Variants in ZNF536 observed in about 807,000 individuals in gnomAD.
ZNF536 encodes zinc finger protein 536.
Under a neutral mutation model 84.5 loss-of-function variants are expected in ZNF536, and 13 were observed. The ratio of observed to expected loss-of-function variants is 0.15; its 90% CI spans 0.10 to 0.24. ZNF536 has a LOEUF of 0.24. ZNF536 is among the 10% of genes least tolerant of loss of function. The pLI, the probability that ZNF536 is intolerant of heterozygous loss-of-function variation, is 1.00. For synonymous variants in ZNF536, 811 were observed against 742.5 expected, an observed-to-expected ratio of 1.09 and a Z score of -1.50; for missense variants, 1,536 against 1,747.5, an observed-to-expected ratio of 0.88 and a Z score of 2.16.
At chr19:30,226,618 G>A (rs1312644719), upstream of ZNF536, among the ~76,000 whole-genome samples, 1 of 152,092 alleles carries the variant, frequency 6.6e-6, no homozygotes, top group Non-Finnish European at 1.5e-5. This position sits in a 1 kb window ranked among gnomAD's most constrained non-coding sequence, Gnocchi z 4.6. Flanking sequence ...GGCGGCGCCC[G>A]CAGCACCTGC....
Position 30,463,833 on chromosome 19 carries a change from C to T in ZNF536, c.2170+18101C>T, listed in dbSNP as rs188701455. 1.4e-4 allele frequency among the ~76,000 whole-genome samples: 22 copies of T among 152,180 alleles called. No homozygotes were observed. The East Asian group carries it at 4.3e-3, about 29-fold the overall frequency. Reference sequence around the variant, plus strand: ...GAGCGTGGGGGTTTGAGATGGGGTGCAGGCATGGTGGTGTGGCTCGGGGAT... The same window carrying T: ...GAGCGTGGGGGTTTGAGATGGGGTGTAGGCATGGTGGTGTGGCTCGGGGAT... On this transcript the variant is annotated intron_variant, in intron 2 of 4. Coordinates refer to ENST00000355537, the MANE Select transcript of ZNF536 (RefSeq NM_014717.3).
intron 2 of ZNF536, among the ~76,000 whole-genome samples, chr19:30,502,963 A>G (rs2055010115): frequency 6.6e-6 from 1 of 152,218 alleles, no homozygotes. Flanking sequence ...TATTTTTATA[A>G]TTATGGGGAA....
chr19:30,710,602 T>G (rs1301767857), intron 1 of ZNF536, among the ~76,000 whole-genome samples: 1 of 152,204 alleles, frequency 6.6e-6, no homozygotes, highest in African/African-American at 2.4e-5. Context: ...CTTATGTGCC[T>G]GATGTATCGG....
intron 1 of ZNF536, among the ~76,000 whole-genome samples, chr19:30,438,621 G>A (rs2051864642): frequency 6.6e-6 from 1 of 152,196 alleles, no homozygotes; most frequent in African/African-American, 2.4e-5. Flanking sequence ...TGGGAAAAGG[G>A]ATAATAAGAC....
At chr19:30,571,406 A>G (rs1248602784) in intron 1 of ZNF536, among the ~76,000 whole-genome samples, 2 of 152,216 alleles carry the variant, frequency 1.3e-5, no homozygotes, top group Non-Finnish European at 2.9e-5. Context: ...TGTCTGACAC[A>G]CAGGCTAAGT....
chr19:30,506,912 A>G (rs1026569071), intron 2 of ZNF536, among the ~76,000 whole-genome samples: 2 of 152,220 alleles, frequency 1.3e-5, no homozygotes, highest in African/African-American at 2.4e-5. Context: ...ATCATTCTTA[A>G]CATTTTGCTT....
At position 30,335,763 on chromosome 19, in the gene ZNF536, T is replaced by C. The variant is rs868059919; in HGVS notation, c.-119-16605T>C. On this transcript the variant is annotated intron_variant, in intron 2 of 5. Transcript: ENST00000585628. ...CCTCGCCAGGGCTGCCCTCAGATCCTAGCCTTGAAACTATTTCTACTTGTT... is the reference window on the plus strand; with the variant it reads ...CCTCGCCAGGGCTGCCCTCAGATCCCAGCCTTGAAACTATTTCTACTTGTT... Among the ~76,000 whole-genome samples the C allele has an allele frequency of 9.2e-5, 14 of 152,186 alleles. 1 individual carries two copies. In the Middle Eastern group the frequency reaches 9.5e-3, roughly 103 times the overall value.
In ZNF536 at chr19:30,548,440, C is replaced by G. The variant is rs2146201500; in HGVS notation, c.2821C>G (p.Leu941Val). 6.2e-7 allele frequency: 1 copy of G among 1,614,184 alleles called. No homozygotes were observed. Among genetic ancestry groups the G allele is most frequent in the Non-Finnish European group, 8.5e-7 (1 of 1,180,038 alleles). The change falls in exon 4 of 5, where the codon CTG (leucine) becomes GTG (valine). Residue 941 changes from leucine (L) to valine (V), a missense_variant. By Grantham distance (32) the Leu-to-Val change is conservative. Around this residue, in one of 8 missense-constraint regions of ZNF536, gnomAD observed 624 missense variants for 603.1 expected, o/e 1.03. Transcript: ENST00000355537. ...KKEKDMKDKA[L>V]ADPPSMKVHG... ...GGAGAAGGACATGAAGGACAAAGCC[C>G]TGGCTGACCCCCCTTCCATGAAAGT...
At chr19:30,597,217 C>G (rs2047498764) in intron 1 of ZNF536, among the ~76,000 whole-genome samples, 1 of 152,242 alleles carries the variant, frequency 6.6e-6, no homozygotes, top group Non-Finnish European at 1.5e-5. Context: ...AGGACCCTGA[C>G]TGAGTCGCTG....
chr19:30,410,682 G>T (rs1214099459), intron 1 of ZNF536, among the ~76,000 whole-genome samples: 1 of 151,954 alleles, frequency 6.6e-6, no homozygotes, highest in Non-Finnish European at 1.5e-5. Flanking sequence ...GTTTCACCGT[G>T]TTAGCCAGGA....
intron 1 of ZNF536, among the ~76,000 whole-genome samples, chr19:30,580,531 T>C (rs2046884968): frequency 6.6e-6 from 1 of 152,036 alleles, no homozygotes; most frequent in Non-Finnish European, 1.5e-5. Context: ...CCTGTGTGTT[T>C]CTGCGGGCAT....
chr19:30,580,060 C>T (rs560225959), intron 1 of ZNF536, among the ~76,000 whole-genome samples: 1 of 152,354 alleles, frequency 6.6e-6, no homozygotes, highest in Non-Finnish European at 1.5e-5. Context: ...TGGCCTCCCT[C>T]TCCCTGTCAC....
At chr19:30,427,759 A>C (rs1045301488) in intron 1 of ZNF536, among the ~76,000 whole-genome samples, 2 of 152,164 alleles carry the variant, frequency 1.3e-5, no homozygotes, top group Non-Finnish European at 2.9e-5. Context: ...TTCAAGCATC[A>C]TGTGTAATGT....
intron 2 of ZNF536, among the ~76,000 whole-genome samples, chr19:30,285,226 TTAC>T (rs2045585943): frequency 1.3e-5 from 2 of 152,224 alleles, no homozygotes. Flanking sequence ...AAAGACAGGA[TTAC>T]TATTTTTCAA....
At chr19:30,367,326 A>G (rs1368482608) in intron 3 of ZNF536, among the ~76,000 whole-genome samples, 1 of 152,186 alleles carries the variant, frequency 6.6e-6, no homozygotes, top group Non-Finnish European at 1.5e-5. Flanking sequence ...TTCCTGAATG[A>G]AGTGTCTCAG....
intron 1 of ZNF536, among the ~76,000 whole-genome samples, chr19:30,609,737 T>A (rs982398087): frequency 6.6e-6 from 1 of 151,634 alleles, no homozygotes; most frequent in Non-Finnish European, 1.5e-5. Context: ...CATCCACCCA[T>A]CCATCCACCC....
At chr19:30,316,262 T>C (rs6510113) in intron 2 of ZNF536, among the ~76,000 whole-genome samples, 147,574 of 152,302 alleles carry the variant, frequency 0.97, 71,528 homozygotes, top group Non-Finnish European at 0.98. Flanking sequence ...GCATAGTACT[T>C]ACCTGCCAAA....
At chr19:30,463,882 GTT>G (rs575757091) in intron 2 of ZNF536, among the ~76,000 whole-genome samples, 2 of 152,090 alleles carry the variant, frequency 1.3e-5, no homozygotes, top group Non-Finnish European at 2.9e-5. Context: ...GATGTGTTCT[GTT>G]TGCTGTCAGC....
chr19:30,677,510 C>T (rs7251190), intron 1 of ZNF536, among the ~76,000 whole-genome samples: 10,235 of 152,212 alleles, frequency 0.067, 618 homozygotes, highest in African/African-American at 0.15. Context: ...TGTGCCTTGG[C>T]GAGGACATTC....
Sources: allele counts gnomAD v4.1 joint callset (sites outside exome capture counted in the v4.1 genomes callset), GRCh38; gene constraint gnomAD v4.1.1; regional missense constraint gnomAD v4.1.1; non-coding constraint Gnocchi (gnomAD v3.1); transcripts MANE v1.5; gene names NCBI Gene and HGNC (gene_info 2026-07-23, HGNC 2026-07-21).